Variants in THTPA observed in about 807,000 individuals in gnomAD.
THTPA encodes the protein thiamine-triphosphatase.
Under a neutral mutation model 16.5 loss-of-function variants are expected in THTPA, and 16 were observed. That is an observed-to-expected ratio of 0.97 (90% CI 0.66 to 1.47). The LOEUF (loss-of-function observed/expected upper bound fraction) is 1.47, where lower values mean the gene tolerates loss of function less well. Among genes scored for constraint, THTPA ranks in the 40% most tolerant of loss-of-function variants. The probability of loss-of-function intolerance (pLI) is 0.00; values close to 1 mark genes in which losing one functional copy is unlikely to be tolerated. For synonymous variants in THTPA, 110 were observed against 115.5 expected, an observed-to-expected ratio of 0.95 and a Z score of 0.30; for missense variants, 281 against 280.9, an observed-to-expected ratio of 1.00 and a Z score of 0.00.
At chr14:23,514,113 G>C in the THTPA span, 2 of 152,566 alleles carry the variant, frequency 1.3e-5, no homozygotes. Flanking sequence ...GTGTGGAACA[G>C]GGGAGGTTGA....
At chr14:23,552,641 G>A (rs1408671607), upstream of THTPA, among the ~76,000 whole-genome samples, 2 of 151,502 alleles carry the variant, frequency 1.3e-5, no homozygotes, top group Non-Finnish European at 2.9e-5. Flanking sequence ...TCACTCTGTC[G>A]CCCAGGCTGC....
the THTPA span, chr14:23,535,205 G>T: frequency 5.9e-6 from 9 of 1,529,136 alleles, no homozygotes; most frequent in Non-Finnish European, 7.9e-6. The surrounding 1 kb of genome is among the most constrained non-coding windows in gnomAD (Gnocchi z 4.5). Context: ...GCAGCAGGGG[G>T]ATCTTTGGTG....
At chr14:23,545,384 C>A in the THTPA span, among the ~76,000 whole-genome samples, 2 of 152,218 alleles carry the variant, frequency 1.3e-5, no homozygotes, top group South Asian at 4.1e-4. Context: ...AGGGGTCAGG[C>A]TTCCTGTTTG....
chr14:23,557,133 A>G lies in THTPA; in HGVS notation c.376A>G (p.Ser126Gly). ...QEVASFVTKR[S>G]AWKLVLLGAD... ...AGTAGCTAGTTTTGTGACTAAGCGG[A>G]GTGCCTGGAAGCTGGTGCTCTTGGG... Residue 126 changes from serine (S) to glycine (G), a missense_variant, in exon 1 of 2, where the codon AGT (serine) becomes GGT (glycine). Transcript: ENST00000288014. The G allele has an allele frequency of 6.2e-7, 1 of 1,614,104 alleles. No individual in the cohort carries two copies. Among genetic ancestry groups the G allele is most frequent in the Non-Finnish European group, 8.5e-7 (1 of 1,180,026 alleles).
rs1160168498 is a variant in THTPA, at chr14:23,559,456, C to T, written c.*616C>T. 4 of 388,336 alleles carry T rather than the reference C, an allele frequency of 1.0e-5. No individual in the cohort carries two copies. The highest frequency in any genetic ancestry group is 8.1e-4 in the Middle Eastern group (1 of 1,234). 24.1% of individuals were successfully genotyped at this position (388,336 alleles called of 1,614,324 possible). On this transcript the variant is annotated 3_prime_UTR_variant, in exon 2 of 2. Transcript: ENST00000288014. The stretch of plus-strand genomic sequence containing the variant: ...CCAACAGCTGCCCCCTCCCCGCCCC[C>T]GTGTTGAGACAGGTTCTCAAGGCTC...
the THTPA span, among the ~76,000 whole-genome samples, chr14:23,535,767 T>C: frequency 6.6e-6 from 1 of 152,108 alleles, no homozygotes; most frequent in African/African-American, 2.4e-5. This position sits in a 1 kb window ranked among gnomAD's most constrained non-coding sequence, Gnocchi z 4.5. Context: ...TAATTTTGTA[T>C]TTTTAGTAGA....
the THTPA span, chr14:23,522,607 C>A: frequency 3.3e-6 from 5 of 1,530,736 alleles, no homozygotes; most frequent in African/African-American, 1.4e-5. Flanking sequence ...AGACAGCTGG[C>A]GGTGCTGTTC....
the THTPA span, among the ~76,000 whole-genome samples, chr14:23,549,599 T>C: frequency 0.012 from 1,788 of 151,704 alleles, 43 homozygotes; most frequent in African/African-American, 0.041. Context: ...AGGAAGAAGA[T>C]GAACTAAAAA....
the THTPA span, chr14:23,527,937 G>C: frequency 3.7e-6 from 3 of 809,500 alleles, no homozygotes; most frequent in Non-Finnish European, 5.6e-6. Context: ...GATGGAGTCT[G>C]GCTCTGTCAC....
chr14:23,533,928 C>T, the THTPA span: 1 of 1,537,966 alleles, frequency 6.5e-7, no homozygotes, highest in Non-Finnish European at 8.7e-7. The surrounding 1 kb of genome is among the most constrained non-coding windows in gnomAD (Gnocchi z 4.8). Flanking sequence ...CATCCAGGGT[C>T]TGCTGGTACT....
chr14:23,529,918 A>G, the THTPA span: 1 of 976,834 alleles, frequency 1.0e-6, no homozygotes, highest in Non-Finnish European at 1.5e-6. Context: ...ACTCCGGGTC[A>G]GTAGGATGGT....
In THTPA at chr14:23,559,524, G is replaced by C; in HGVS notation, c.*684G>C. 3.7e-6 allele frequency: 2 copies of C among 541,380 alleles called. No homozygotes were observed. The highest frequency in any genetic ancestry group is 1.9e-5 in the African/African-American group (1 of 52,632). The allele number at this position is 541,380 out of a possible 1,614,324, so 33.5% of individuals were successfully genotyped here. A position where few individuals can be genotyped will look rare whatever the true frequency, so the allele number is the denominator to read the frequency against. ...TCCTATGTAAGAATGCTCTTCCCTT[G>C]CTGTTATTCATACACACTTTCCACT... On this transcript the variant is annotated 3_prime_UTR_variant, in exon 2 of 2. Coordinates refer to ENST00000288014, the MANE Select transcript of THTPA (RefSeq NM_024328.6).
At chr14:23,552,610 T>A (rs1882060479), upstream of THTPA, among the ~76,000 whole-genome samples, 1 of 150,480 alleles carries the variant, frequency 6.6e-6, no homozygotes, top group Admixed American at 6.6e-5. Context: ...TTTGTTTGTT[T>A]GTTTTTTTCT....
At chr14:23,527,229 T>C in the THTPA span, among the ~76,000 whole-genome samples, 4 of 152,226 alleles carry the variant, frequency 2.6e-5, no homozygotes, top group South Asian at 4.1e-4. Flanking sequence ...TCTGGCAGGC[T>C]GGTACCTGCT....
the THTPA span, chr14:23,521,807 G>C: frequency 2.3e-6 from 3 of 1,313,622 alleles, no homozygotes; most frequent in South Asian, 3.1e-5. Context: ...TGGAAGTGGG[G>C]TGTGTGGTGC....
At chr14:23,523,455 C>T in the THTPA span, 6 of 1,535,744 alleles carry the variant, frequency 3.9e-6, no homozygotes, top group African/African-American at 2.7e-5. This position sits in a 1 kb window ranked among gnomAD's most constrained non-coding sequence, Gnocchi z 4.1. Context: ...AAGAGATGGC[C>T]TCGGCAGGAG....
chr14:23,536,037 A>G, the THTPA span, among the ~76,000 whole-genome samples: 3 of 152,130 alleles, frequency 2.0e-5, no homozygotes, highest in Non-Finnish European at 2.9e-5. Flanking sequence ...TTCAACAGCA[A>G]CTTCTAAAAC....
the THTPA span, among the ~76,000 whole-genome samples, chr14:23,538,867 T>G: frequency 6.6e-6 from 1 of 151,802 alleles, no homozygotes; most frequent in Admixed American, 6.6e-5. Context: ...GTGCTGTGAT[T>G]AGAGAGGAGA....
chr14:23,559,175 G>GCCT lies in THTPA; in HGVS notation c.*337_*338insTCC, dbSNP rs1882953062. The stretch of plus-strand genomic sequence containing the variant: ...TGCCACCCCCCCTCCCTTGGTCGAT[G>GCCT]CCATTGATTCTGCCAGCGGCTCCTA... On this transcript the variant is annotated 3_prime_UTR_variant, in exon 2 of 2. Transcript: ENST00000288014. The GCCT allele has an allele frequency of 3.7e-6, 1 of 272,260 alleles. No individual in the cohort carries two copies. Among genetic ancestry groups the GCCT allele is most frequent in the Non-Finnish European group, 7.1e-6 (1 of 141,842 alleles). 16.9% of individuals were successfully genotyped at this position (272,260 alleles called of 1,614,324 possible).
Sources: gnomAD v4.1 joint callset for allele counts (sites outside exome capture counted in the v4.1 genomes callset) on GRCh38, gnomAD v4.1.1 for gene constraint, Gnocchi (gnomAD v3.1) non-coding constraint, MANE v1.5 for transcripts, NCBI Gene and HGNC (gene_info 2026-07-23, HGNC 2026-07-21) for gene names.